The following NLRP4 variants were observed in gnomAD, a reference collection of about 807,000 sequenced individuals.
NLRP4 encodes the protein NLR family pyrin domain containing 4.
NLRP4 carries 44 observed loss-of-function variants against 84.7 expected under a neutral mutation model. The observed-to-expected ratio is 0.52, with a 90% CI of 0.41 to 0.67. The LOEUF (loss-of-function observed/expected upper bound fraction) is 0.67. Ranked by LOEUF, NLRP4 falls within the 30% of genes least tolerant of loss-of-function variation. The probability of loss-of-function intolerance (pLI) is 0.00; values close to 1 mark genes in which losing one functional copy is unlikely to be tolerated. For synonymous variants in NLRP4, 544 were observed against 476.4 expected (o/e 1.14, Z -1.85); for missense variants, 1,260 against 1,219.4 (o/e 1.03, Z -0.50).
rs565717994 is a variant in NLRP4 at position 55,859,332 on chromosome 19, T to C, written c.1856+83T>C. On this transcript the variant is annotated intron_variant, in intron 3 of 9. Coordinates refer to ENST00000301295, the MANE Select transcript of NLRP4 (RefSeq NM_134444.5). The stretch of plus-strand genomic sequence containing the variant: ...GGTTTTGCTGAGGGAGTGTTTAATA[T>C]AGGATCATGGTTAGAAACTCATTTT... The C allele has an allele frequency of 1.4e-4, 153 of 1,121,532 alleles. No homozygotes were observed. The African/African-American group carries it at 2.1e-3, about 15-fold the overall frequency. 69.5% of individuals were successfully genotyped at this position (1,121,532 alleles called of 1,614,324 possible).
intron 5 of NLRP4, among the ~76,000 whole-genome samples, chr19:55,864,957 T>C (rs928907831): frequency 3.3e-5 from 5 of 152,228 alleles, no homozygotes; most frequent in Non-Finnish European, 1.5e-5. Flanking sequence ...TACAGGTTTT[T>C]AAACATTTAA....
At chr19:55,847,164 A>G (rs445798) in intron 1 of NLRP4, among the ~76,000 whole-genome samples, 38,308 of 151,836 alleles carry the variant, frequency 0.25, 5,441 homozygotes, top group African/African-American at 0.39. Flanking sequence ...AGGGGGGGGC[A>G]GCAACATTCT....
At position 55,848,554 on chromosome 19, in the gene NLRP4, C is replaced by T. The variant is rs995568700; in HGVS notation, c.-65-3462C>T. Among the ~76,000 whole-genome samples the T allele has an allele frequency of 2.6e-5, 4 of 152,116 alleles. No individual in the cohort carries two copies. In the East Asian group the frequency reaches 7.7e-4, roughly 29 times the overall value. On this transcript the variant is annotated intron_variant, in intron 1 of 9. Coordinates refer to ENST00000301295, the MANE Select transcript of NLRP4 (RefSeq NM_134444.5). ...GAGTAGCTGGGATTACAGGTACCCA[C>T]CACCACATCCGGCTAATTTTTTGTA... is the stretch of plus-strand genomic sequence containing the variant.
chr19:55,878,691 T>C, intron 8 of NLRP4, 103 bp from the exon 9 acceptor site: 1 of 991,698 alleles, frequency 1.0e-6, no homozygotes, highest in African/African-American at 1.6e-5. Context: ...GAGATTGCAC[T>C]TGAGGCAATG....
At chr19:55,878,319 C>G (rs370475099) in intron 8 of NLRP4, among the ~76,000 whole-genome samples, 5 of 152,100 alleles carry the variant, frequency 3.3e-5, no homozygotes, top group African/African-American at 9.7e-5. Context: ...ACTCAGGAGG[C>G]TGAGGCAGGA....
chr19:55,871,894 C>T (rs1018907015), intron 7 of NLRP4, among the ~76,000 whole-genome samples: 19 of 150,840 alleles, frequency 1.3e-4, no homozygotes, highest in Non-Finnish European at 7.4e-5. Flanking sequence ...TGTCAGCCCA[C>T]GCTGAAGTAC....
chr19:55,870,066 C>G (rs748201488), intron 6 of NLRP4, among the ~76,000 whole-genome samples: 3 of 151,784 alleles, frequency 2.0e-5, no homozygotes, highest in Non-Finnish European at 4.4e-5. Flanking sequence ...CCACTGCACT[C>G]CAGCCTAGGT....
chr19:55,844,734 G>T (rs1232773087), intron 1 of NLRP4, among the ~76,000 whole-genome samples: 1 of 152,146 alleles, frequency 6.6e-6, no homozygotes, highest in Non-Finnish European at 1.5e-5. Flanking sequence ...GTGACCTCCA[G>T]TGTAACTCAT....
intron 1 of NLRP4, among the ~76,000 whole-genome samples, chr19:55,841,108 A>T (rs548998867): frequency 6.6e-6 from 1 of 152,344 alleles, no homozygotes; most frequent in South Asian, 2.1e-4. Context: ...GGTAATTATC[A>T]TATCTGTTTG....
In NLRP4 at chr19:55,836,639, C is replaced by G. The variant is rs1324106655; in HGVS notation, c.-361C>G. ...CTGGGTTACTTTGGGTCTTCCTTTTCTTTCTCCCTTTTACCCTGTCTCCTT... is the reference window on the plus strand; with the variant it reads ...CTGGGTTACTTTGGGTCTTCCTTTTGTTTCTCCCTTTTACCCTGTCTCCTT... On this transcript the variant is annotated 5_prime_UTR_variant, in exon 1 of 10. Coordinates refer to ENST00000301295, the MANE Select transcript of NLRP4 (RefSeq NM_134444.5). The G allele has an allele frequency of 6.6e-6, 1 of 152,622 alleles. No homozygotes were observed. The highest frequency in any genetic ancestry group is 1.5e-5 in the Non-Finnish European group (1 of 68,364). 9.5% of individuals were successfully genotyped at this position (152,622 alleles called of 1,614,324 possible). A position where few individuals can be genotyped will look rare whatever the true frequency, so the allele number is the denominator to read the frequency against.
intron 1 of NLRP4, among the ~76,000 whole-genome samples, chr19:55,849,807 TCC>T (rs1983945523): frequency 6.7e-6 from 1 of 150,320 alleles, no homozygotes; most frequent in Non-Finnish European, 1.5e-5. Context: ...CGGTGTAATT[TCC>T]AAAGCTGCGG....
At chr19:55,859,853 G>A (rs1984655148) in intron 3 of NLRP4, among the ~76,000 whole-genome samples, 1 of 143,976 alleles carries the variant, frequency 6.9e-6, no homozygotes, top group Non-Finnish European at 1.5e-5. Flanking sequence ...CTTGAGCCCG[G>A]GAGGCAGAGG....
At chr19:55,849,820 TGTAATTTCCGA>T (rs1342452603) in intron 1 of NLRP4, among the ~76,000 whole-genome samples, 8 of 151,964 alleles carry the variant, frequency 5.3e-5, no homozygotes, top group South Asian at 4.1e-4. Flanking sequence ...AAAGCTGCGG[TGTAATTTCCGA>T]AGCTGCGGTG....
chr19:55,857,560 T>TG, intron 2 of NLRP4, 114 bp from the exon 3 acceptor site: 1 of 905,246 alleles, frequency 1.1e-6, no homozygotes, highest in Non-Finnish European at 1.7e-6. Flanking sequence ...AGGTTTGGCC[T>TG]GGGGGCCACA....
At chr19:55,843,462 G>A (rs547800467) in intron 1 of NLRP4, among the ~76,000 whole-genome samples, 33 of 152,010 alleles carry the variant, frequency 2.2e-4, no homozygotes, top group Non-Finnish European at 4.4e-4. Flanking sequence ...AGGCAGAGGC[G>A]GGTGGATCTC....
chr19:55,874,548 A>C (rs981621495), intron 7 of NLRP4, among the ~76,000 whole-genome samples: 1 of 152,204 alleles, frequency 6.6e-6, no homozygotes, highest in Non-Finnish European at 1.5e-5. Context: ...TCAAGACTCA[A>C]TAAGCTTCTA....
chr19:55,847,047 C>T (rs529224555), intron 1 of NLRP4, among the ~76,000 whole-genome samples: 1 of 152,258 alleles, frequency 6.6e-6, no homozygotes, highest in South Asian at 2.1e-4. Flanking sequence ...GCCTCAGCCT[C>T]CTGAGTAGCT....
intron 5 of NLRP4, among the ~76,000 whole-genome samples, chr19:55,867,149 G>A (rs1300795661): frequency 1.3e-5 from 2 of 151,036 alleles, no homozygotes; most frequent in African/African-American, 4.9e-5. Context: ...GGCTGTCTCT[G>A]TACCCCAGAG....
At chr19:55,856,805 C>G (rs1427084309) in intron 2 of NLRP4, among the ~76,000 whole-genome samples, 6 of 152,142 alleles carry the variant, frequency 3.9e-5, no homozygotes, top group Non-Finnish European at 7.4e-5. Flanking sequence ...TGAACCACTG[C>G]CCCGGCCTGT....
Sources: gnomAD v4.1 joint callset for allele counts (sites outside exome capture counted in the v4.1 genomes callset) on GRCh38, gnomAD v4.1.1 for gene constraint, MANE v1.5 for transcripts, NCBI Gene and HGNC (gene_info 2026-07-23, HGNC 2026-07-21) for gene names.